FAM227B: variants seen among roughly 807,000 people sequenced by gnomAD.
The protein encoded by FAM227B is family with sequence similarity 227 member B.
In FAM227B, 88 loss-of-function variants were observed where a neutral mutation model predicts 73.8. The observed-to-expected ratio is 1.19, with a 90% confidence interval of 1.00 to 1.42. The LOEUF is 1.42. FAM227B is among the 40% of genes most tolerant of loss of function. FAM227B has a pLI of 0.00. For missense variants in FAM227B, 632 were observed against 590.9 expected (o/e 1.07, Z -0.72); for synonymous variants, 210 against 190.5 (o/e 1.10, Z -0.84).
At chr15:49,342,800 A>G (rs2040934550) in intron 13 of FAM227B, among the ~76,000 whole-genome samples, 1 of 152,160 alleles carries the variant, frequency 6.6e-6, no homozygotes, top group African/African-American at 2.4e-5. Context: ...GTTTGGTGGG[A>G]TATTAAATTC....
At chr15:49,366,398 T>C (rs2151444393) in intron 13 of FAM227B, 1 of 809,006 alleles carries the variant, frequency 1.2e-6, no homozygotes, top group South Asian at 1.4e-5. Flanking sequence ...TTCAAGAAAA[T>C]GGCAGCTGCC....
intron 13 of FAM227B, among the ~76,000 whole-genome samples, chr15:49,354,709 C>T (rs1001374903): frequency 3.3e-5 from 5 of 152,204 alleles, no homozygotes; most frequent in Non-Finnish European, 7.3e-5. Flanking sequence ...ACAAAACAGT[C>T]GGGAAGCTCG....
intron 13 of FAM227B, among the ~76,000 whole-genome samples, chr15:49,347,970 G>C (rs572876718): frequency 1.5e-5 from 2 of 131,492 alleles, no homozygotes; most frequent in Non-Finnish European, 3.1e-5. Flanking sequence ...AGTGAGCTGA[G>C]ATTGCACCAT....
At chr15:49,478,063 T>G (rs1324036220) in intron 11 of FAM227B, among the ~76,000 whole-genome samples, 1 of 152,170 alleles carries the variant, frequency 6.6e-6, no homozygotes, top group East Asian at 1.9e-4. Flanking sequence ...TTTTCAACCC[T>G]TCCCTCATCT....
intron 11 of FAM227B, among the ~76,000 whole-genome samples, chr15:49,391,144 G>A (rs2047189426): frequency 6.6e-6 from 1 of 151,942 alleles, no homozygotes; most frequent in African/African-American, 2.4e-5. Flanking sequence ...GACATGAGGA[G>A]ATAGATCAAA....
At chr15:49,546,353 T>A (rs2071879700) in intron 9 of FAM227B, among the ~76,000 whole-genome samples, 1 of 152,240 alleles carries the variant, frequency 6.6e-6, no homozygotes, top group Admixed American at 6.5e-5. Flanking sequence ...TAATCCAGTC[T>A]ATCGTTGTTG....
intron 10 of FAM227B, among the ~76,000 whole-genome samples, chr15:49,510,841 G>C (rs2413954): frequency 0.33 from 49,353 of 151,812 alleles, 8,754 homozygotes; most frequent in African/African-American, 0.45. Flanking sequence ...TAGGGTCCTA[G>C]GTTATAAATA....
intron 11 of FAM227B, among the ~76,000 whole-genome samples, chr15:49,477,050 ACT>A (rs1215892920): frequency 7.1e-6 from 1 of 140,684 alleles, no homozygotes; most frequent in Non-Finnish European, 1.5e-5. Context: ...ACAAAGCGAG[ACT>A]CTGTCTCGAA....
chr15:49,599,423 C>A (rs1003037168), intron 3 of FAM227B, among the ~76,000 whole-genome samples: 9 of 151,764 alleles, frequency 5.9e-5, no homozygotes, highest in African/African-American at 2.2e-4. Context: ...TATTGTTTTT[C>A]CAGTCTCTCC....
At chr15:49,570,415 T>C (rs1206695992) in intron 8 of FAM227B, among the ~76,000 whole-genome samples, 1 of 151,912 alleles carries the variant, frequency 6.6e-6, no homozygotes, top group Non-Finnish European at 1.5e-5. Flanking sequence ...TGTTGAGCAG[T>C]TTTTCAAATA....
intron 10 of FAM227B, among the ~76,000 whole-genome samples, chr15:49,529,086 A>G (rs774520581): frequency 6.6e-6 from 1 of 151,856 alleles, no homozygotes; most frequent in Non-Finnish European, 1.5e-5. Flanking sequence ...AGTGTCTATC[A>G]ATGGATGATC....
intron 9 of FAM227B, among the ~76,000 whole-genome samples, chr15:49,549,888 CGGGGTGGTTGGCCGGGCGGGGGGCTG>C (rs2072558594): frequency 6.7e-5 from 10 of 149,710 alleles, no homozygotes; most frequent in Non-Finnish European, 1.2e-4. Context: ...ACTTCCCAGA[CGGGGTGGTTGGCCGGGCGGGGGGCTG>C]ACCCCCCCCA....
chr15:49,519,911 T>C (rs551027308), intron 10 of FAM227B, among the ~76,000 whole-genome samples: 1 of 152,232 alleles, frequency 6.6e-6, no homozygotes, highest in Non-Finnish European at 1.5e-5. Flanking sequence ...TTTTCTGAAC[T>C]TTTATGCTTG....
chr15:49,557,379 A>G (rs2073817847), intron 9 of FAM227B, among the ~76,000 whole-genome samples: 1 of 152,228 alleles, frequency 6.6e-6, no homozygotes, highest in Non-Finnish European at 1.5e-5. Context: ...ATTCAGATAG[A>G]GAATAAAATG....
intron 11 of FAM227B, among the ~76,000 whole-genome samples, chr15:49,507,701 G>A (rs538965266): frequency 1.3e-5 from 2 of 151,882 alleles, no homozygotes; most frequent in African/African-American, 2.4e-5. Context: ...GGCTCTAAGT[G>A]GACTATTTAA....
intron 11 of FAM227B, chr15:49,485,551 C>T (rs544778626): frequency 1.4e-4 from 22 of 152,484 alleles, no homozygotes; most frequent in East Asian, 5.8e-4. Flanking sequence ...TCTGGCTCAA[C>T]GGCAAGTTTC....
In FAM227B at chr15:49,589,832, A is replaced by G. The variant is rs759817302; in HGVS notation, c.281T>C (p.Ile94Thr). 5 of 1,610,528 alleles carry G rather than the reference A, an allele frequency of 3.1e-6. No homozygotes were observed. Among genetic ancestry groups the G allele is most frequent in the Non-Finnish European group, 4.2e-6 (5 of 1,176,866 alleles). Residue 94 changes from isoleucine (I) to threonine (T), a missense_variant, in exon 4 of 16, where the codon ATT becomes ACT. By Grantham distance (89) the Ile-to-Thr change is moderately conservative. Coordinates refer to ENST00000299338, the MANE Select transcript of FAM227B (RefSeq NM_152647.3). ...MESKLKEYSL[I>T]LQNHTSEIFK... ...TATTTCAGAGGTGTGGTTTTGCAAA[A>G]TAAGTGAATATTCCTTTAATTTTGA...
At chr15:49,448,414 G>A (rs917755951) in intron 11 of FAM227B, among the ~76,000 whole-genome samples, 6 of 150,780 alleles carry the variant, frequency 4.0e-5, no homozygotes, top group African/African-American at 1.5e-4. Flanking sequence ...ATATAGAACT[G>A]ATGTGTATAT....
At chr15:49,429,237 G>T (rs946804468) in intron 11 of FAM227B, among the ~76,000 whole-genome samples, 1 of 151,992 alleles carries the variant, frequency 6.6e-6, no homozygotes, top group African/African-American at 2.4e-5. Flanking sequence ...AGACAAGGTA[G>T]AATCTTGTAG....
Sources: gnomAD v4.1 joint callset for allele counts (sites outside exome capture counted in the v4.1 genomes callset) on GRCh38, gnomAD v4.1.1 for gene constraint, MANE v1.5 for transcripts, NCBI Gene and HGNC (gene_info 2026-07-23, HGNC 2026-07-21) for gene names.